The following ITPR1 variants were observed in gnomAD, a reference collection of about 807,000 sequenced individuals.
ITPR1 encodes the protein inositol 1,4,5-trisphosphate receptor type 1.
ITPR1 carries 96 observed loss-of-function variants against 318.4 expected under a neutral mutation model. The observed-to-expected ratio is 0.30, with a 90% confidence interval of 0.26 to 0.36. The LOEUF (loss-of-function observed/expected upper bound fraction) is 0.36. ITPR1 is among the 10% of genes least tolerant of loss of function. The probability of loss-of-function intolerance (pLI) is 1.00; values close to 1 mark genes in which losing one functional copy is unlikely to be tolerated. For synonymous variants in ITPR1, 1,312 were observed against 1,289.9 expected (o/e 1.02, Z -0.37); for missense variants, 2,440 against 3,460.2 (o/e 0.71, Z 7.40).
At chr3:4,784,826 G>A (rs1237998272) in intron 51 of ITPR1, among the ~76,000 whole-genome samples, 1 of 152,096 alleles carries the variant, frequency 6.6e-6, no homozygotes, top group Non-Finnish European at 1.5e-5. Context: ...GAGCCTAGGA[G>A]GCGGGGATTG....
chr3:4,720,893 A>G (rs887262074), intron 40 of ITPR1, among the ~76,000 whole-genome samples: 2 of 151,966 alleles, frequency 1.3e-5, no homozygotes, highest in Non-Finnish European at 2.9e-5. Context: ...TACTTTTTAC[A>G]TTGCTGTGAA....
At position 4,675,124 on chromosome 3, in the gene ITPR1, T is replaced by A; in HGVS notation, c.2655T>A (p.Leu885=). 6.2e-7 allele frequency: 1 copy of A among 1,607,912 alleles called. No homozygotes were observed. Among genetic ancestry groups the A allele is most frequent in the Non-Finnish European group, 8.5e-7 (1 of 1,174,540 alleles). The change falls in exon 23 of 62, where the codon CTT becomes CTA. Residue 885 remains leucine (L), a synonymous_variant. Transcript: ENST00000649015. The part of the protein sequence containing the change: ...IYFGFYNFSD[L]LRLTKILLAI... ...TTGGTTTCTACAACTTCTCTGACCT[T>A]CTACGATTAACTAAGATCCTTCTGG...
chr3:4,549,518 C>G (rs1373652287), intron 4 of ITPR1, among the ~76,000 whole-genome samples: 1 of 141,194 alleles, frequency 7.1e-6, no homozygotes, highest in Non-Finnish European at 1.6e-5. Context: ...CCCTTCCTCC[C>G]TTCCTTCCTC....
rs1361357930 is a variant in ITPR1 at position 4,847,129 on chromosome 3, G to GTTTA, written c.*908_*911dup. On this transcript the variant is annotated 3_prime_UTR_variant, in exon 62 of 62. Coordinates refer to ENST00000649015, the MANE Select transcript of ITPR1 (RefSeq NM_001378452.1). Reference sequence around the variant, plus strand: ...TAGATTATCTAGTCCAAACAATAGAGTTTATTTTTTCTTCATCTGAACCAA... The same window carrying GTTTA: ...TAGATTATCTAGTCCAAACAATAGAGTTTATTTATTTTTTCTTCATCTGAACCAA... 1 of 152,554 alleles carries GTTTA rather than the reference G, an allele frequency of 6.6e-6. No homozygotes were observed. The highest frequency in any genetic ancestry group is 1.5e-5 in the Non-Finnish European group (1 of 68,016). 9.5% of individuals were successfully genotyped at this position (152,554 alleles called of 1,614,324 possible).
chr3:4,814,834 C>T (rs1175583814), intron 58 of ITPR1: 11 of 594,248 alleles, frequency 1.9e-5, no homozygotes, highest in Admixed American at 3.0e-5. Flanking sequence ...TCCACCTGAA[C>T]GCACAGTGAA....
intron 3 of ITPR1, among the ~76,000 whole-genome samples, chr3:4,518,889 C>G (rs2082351545): frequency 6.6e-6 from 1 of 152,142 alleles, no homozygotes; most frequent in African/African-American, 2.4e-5. Context: ...TTAAGACCAG[C>G]CTGGGCAATA....
chr3:4,754,866 C>G (rs928718616), intron 44 of ITPR1, among the ~76,000 whole-genome samples: 1 of 152,216 alleles, frequency 6.6e-6, no homozygotes, highest in Non-Finnish European at 1.5e-5. Flanking sequence ...ATTTGACACT[C>G]CACTGGTCAT....
Position 4,676,714 on chromosome 3 carries a change from C to A in ITPR1, c.2880C>A (p.Ala960=). 6.2e-7 allele frequency: 1 copy of A among 1,613,728 alleles called. No homozygotes were observed. The highest frequency in any genetic ancestry group is 8.5e-7 in the Non-Finnish European group (1 of 1,179,784). The change falls in exon 24 of 62, where the codon GCC becomes GCA. Residue 960 remains alanine, a synonymous_variant. Transcript: ENST00000649015. ...TGCCCATGACTCCCATGGCTGCTGC[C>A]CCTGAAGGCAATGTGAAGCAGGCAG... ...GFLPMTPMAA[A]PEGNVKQAEP... is the part of the protein sequence containing the mutation.
chr3:4,780,519 G>T (rs1485040065), intron 49 of ITPR1, among the ~76,000 whole-genome samples: 63 of 152,188 alleles, frequency 4.1e-4, no homozygotes, highest in Non-Finnish European at 1.5e-5. Flanking sequence ...TGAGGGCAGA[G>T]CTCTCTATTT....
chr3:4,780,131 A>G (rs370436454), intron 49 of ITPR1, among the ~76,000 whole-genome samples: 1 of 152,208 alleles, frequency 6.6e-6, no homozygotes, highest in South Asian at 2.1e-4. Flanking sequence ...GACAATAATA[A>G]TAATATTCCC....
At chr3:4,681,618 AGAG>A (rs2094300232) in intron 26 of ITPR1, among the ~76,000 whole-genome samples, 200 bp downstream of exon 26, 1 of 69,196 alleles carries the variant, frequency 1.4e-5, no homozygotes, top group Non-Finnish European at 2.8e-5. Flanking sequence ...AGAGAGAGAG[AGAG>A]AAAGTGTGTG....
intron 2 of ITPR1, among the ~76,000 whole-genome samples, chr3:4,499,490 C>G (rs1333530035): frequency 6.6e-6 from 1 of 151,882 alleles, no homozygotes. Context: ...GATATATATA[C>G]ATATATAAAT....
At chr3:4,540,179 T>C (rs2084298907) in intron 4 of ITPR1, among the ~76,000 whole-genome samples, 1 of 152,130 alleles carries the variant, frequency 6.6e-6, no homozygotes, top group Non-Finnish European at 1.5e-5. Flanking sequence ...TATTAGTAAA[T>C]GCTTAGATTT....
intron 55 of ITPR1, among the ~76,000 whole-genome samples, chr3:4,808,799 C>T (rs1418974576): frequency 2.6e-5 from 4 of 152,218 alleles, no homozygotes; most frequent in Non-Finnish European, 4.4e-5. Context: ...GGAGAGCTCC[C>T]TCCATGCCAG....
At chr3:4,705,395 ACCT>A (rs1196822016) in intron 36 of ITPR1, among the ~76,000 whole-genome samples, 1 of 152,128 alleles carries the variant, frequency 6.6e-6, no homozygotes, top group Non-Finnish European at 1.5e-5. Flanking sequence ...CAGTGCTATT[ACCT>A]CAACTCCAGG....
intron 44 of ITPR1, among the ~76,000 whole-genome samples, chr3:4,739,138 G>T (rs1177100908): frequency 6.6e-6 from 1 of 152,256 alleles, no homozygotes; most frequent in Non-Finnish European, 1.5e-5. Flanking sequence ...GCCCCAGGGG[G>T]AGTGATTCAG....
At chr3:4,676,590 G>A (rs532813752) in intron 23 of ITPR1, 24 bp from the exon 24 acceptor site, 22 of 1,596,218 alleles carry the variant, frequency 1.4e-5, no homozygotes, top group Middle Eastern at 1.7e-4. Flanking sequence ...CATTGTGACC[G>A]TGGTCTCTCC....
intron 2 of ITPR1, among the ~76,000 whole-genome samples, chr3:4,512,823 G>C (rs1046121735): frequency 2.6e-5 from 4 of 152,100 alleles, no homozygotes; most frequent in Non-Finnish European, 5.9e-5. Context: ...GAGAGGTTGT[G>C]GTGGGCTCCT....
intron 10 of ITPR1, among the ~76,000 whole-genome samples, chr3:4,649,430 G>C (rs1263336361): frequency 6.6e-6 from 1 of 152,148 alleles, no homozygotes; most frequent in African/African-American, 2.4e-5. Flanking sequence ...TAATGAGCCA[G>C]GGTTTACATT....
Sources: gnomAD v4.1 joint callset for allele counts (sites outside exome capture counted in the v4.1 genomes callset) on GRCh38, gnomAD v4.1.1 for gene constraint, MANE v1.5 for transcripts, NCBI Gene and HGNC (gene_info 2026-07-23, HGNC 2026-07-21) for gene names.